The following COQ9 variants were observed in gnomAD, a reference collection of about 807,000 sequenced individuals.
COQ9 encodes coenzyme Q9.
COQ9 carries 35 observed loss-of-function variants against 42.4 expected under a neutral mutation model. That is an observed-to-expected ratio of 0.83 (90% CI 0.63 to 1.10). The LOEUF is 1.10. COQ9 is among the 50% of genes least tolerant of loss of function. The probability of loss-of-function intolerance (pLI) is 0.00; values close to 1 mark genes in which losing one functional copy is unlikely to be tolerated. For missense variants in COQ9, 406 were observed against 414.6 expected (o/e 0.98, Z 0.18); for synonymous variants, 155 against 155.1 (o/e 1.00, Z 0.00).
At chr16:57,453,053 C>T (rs2030325228) in intron 3 of COQ9, 117 bp downstream of exon 3, 1 of 1,359,658 alleles carries the variant, frequency 7.4e-7, no homozygotes, top group Admixed American at 1.7e-5. Context: ...CTCACAGCTG[C>T]AAGATTGACT....
At position 57,447,543 on chromosome 16, in the gene COQ9, C is replaced by G. The variant is rs764426902; in HGVS notation, c.38C>G (p.Ala13Gly). ...GCGGTATCTGGTGCGCTTGGCCGGG[C>G]GGGCTGGAGGCTCCTGCAGCTGCGA... ...AAAVSGALGR[A>G]GWRLLQLRCL... The change falls in exon 1 of 9, where the codon GCG becomes GGG. Residue 13 changes from alanine (A) to glycine (G), a missense_variant. By Grantham distance (60) the Ala-to-Gly change is moderately conservative. Transcript: ENST00000262507. The G allele has an allele frequency of 1.4e-5, 18 of 1,307,118 alleles. No homozygotes were observed. In the Admixed American group the frequency reaches 5.5e-4, roughly 40 times the overall value. The allele number at this position is 1,307,118 out of a possible 1,614,324, so 81.0% of individuals were successfully genotyped here. A position where few individuals can be genotyped will look rare whatever the true frequency, so the allele number is the denominator to read the frequency against.
At chr16:57,450,917 CTTGGATAAG>C (rs1176591058) in intron 1 of COQ9, 114 bp from the exon 2 acceptor site, 8 of 1,095,718 alleles carry the variant, frequency 7.3e-6, no homozygotes, top group Non-Finnish European at 6.8e-6. Context: ...GGACCCAACA[CTTGGATAAG>C]TGGTTCTACA....
intron 1 of COQ9, among the ~76,000 whole-genome samples, chr16:57,450,197 T>C (rs1461475444): frequency 6.6e-6 from 1 of 152,146 alleles, no homozygotes; most frequent in Non-Finnish European, 1.5e-5. Context: ...GGCGATCACT[T>C]GAGGTCAGGA....
rs1319862815 is a variant in COQ9 at position 57,452,859 on chromosome 16, C to T, written c.301C>T (p.His101Tyr). The change falls in exon 3 of 9, where the codon CAC becomes TAC. Residue 101 changes from histidine to tyrosine, a missense_variant. By Grantham distance (83) the His-to-Tyr change is moderately conservative. Transcript: ENST00000262507. ...CTATGAAAGTGAGGAGCAGTTGCAG[C>T]ACCGCATCCTGACGGCAGCCCTTGA... ...EDYESEEQLQ[H>Y]RILTAALEFV... 4 of 1,613,694 alleles carry T rather than the reference C, an allele frequency of 2.5e-6. No homozygotes were observed. The African/African-American group carries it at 4.0e-5, about 16-fold the overall frequency.
chr16:57,450,703 G>A, intron 1 of COQ9: 1 of 378,638 alleles, frequency 2.6e-6, no homozygotes, highest in Non-Finnish European at 5.0e-6. Flanking sequence ...GGGCCACACA[G>A]TGCTCTCATT....
intron 5 of COQ9, chr16:57,457,253 C>G: frequency 1.7e-6 from 1 of 596,000 alleles, no homozygotes. Flanking sequence ...GTACTGGATC[C>G]CATCCTGGGT....
At chr16:57,450,670 C>A (rs999891620) in intron 1 of COQ9, 1 of 326,118 alleles carries the variant, frequency 3.1e-6, no homozygotes, top group Non-Finnish European at 5.9e-6. Flanking sequence ...GTAACATTTG[C>A]AAGCCACTTT....
In COQ9 at chr16:57,459,108, G is replaced by C. The variant is rs558278329; in HGVS notation, c.712-457G>C. ...ACAATCAGAAGTTGCTGAGGGACTT[G>C]AACTCTCAGCTTTGCCCAGGTATTG... On this transcript the variant is annotated intron_variant, in intron 6 of 8. Coordinates refer to ENST00000262507, the MANE Select transcript of COQ9 (RefSeq NM_020312.4). Among the ~76,000 whole-genome samples the C allele has an allele frequency of 2.4e-4, 37 of 152,314 alleles. No individual in the cohort carries two copies. The South Asian group carries it at 7.7e-3, about 32-fold the overall frequency.
chr16:57,450,962 T>G, intron 1 of COQ9, 78 bp from the exon 2 acceptor site: 1 of 1,513,872 alleles, frequency 6.6e-7, no homozygotes, highest in South Asian at 1.2e-5. Context: ...CTTTTCCTCC[T>G]CCTTATCTGT....
intron 1 of COQ9, among the ~76,000 whole-genome samples, chr16:57,448,015 C>T (rs1213384391): frequency 2.0e-5 from 3 of 152,350 alleles, no homozygotes; most frequent in Middle Eastern, 3.4e-3. Context: ...GTGATACTCT[C>T]TTACCACCTT....
chr16:57,457,108 A>G (rs550735782), intron 5 of COQ9, 93 bp downstream of exon 5: 9 of 972,642 alleles, frequency 9.3e-6, no homozygotes, highest in Middle Eastern at 2.1e-4. Context: ...TACACTGTTC[A>G]GAACTTAGCT....
Position 57,459,682 on chromosome 16 carries a change from G to T in COQ9, c.829G>T (p.Val277Phe), listed in dbSNP as rs773083496. The change falls in exon 7 of 9, where the codon GTT becomes TTT. Residue 277 changes from valine to phenylalanine, a missense_variant. Val to Phe is a conservative substitution (Grantham distance 50). Transcript: ENST00000262507. ...CACTTGGCGCTTCCTGGAAAACCGG[G>T]TTAATGATGCAATGAACATGGGCCA... ...EDTWRFLENR[V>F]NDAMNMGHTA... The T allele has an allele frequency of 3.7e-6, 6 of 1,614,204 alleles. No individual in the cohort carries two copies. In the Admixed American group the frequency reaches 8.3e-5, roughly 22 times the overall value.
chr16:57,459,916 C>A, intron 7 of COQ9, 135 bp from the exon 8 acceptor site: 1 of 1,022,646 alleles, frequency 9.8e-7, no homozygotes, highest in Non-Finnish European at 1.5e-6. Flanking sequence ...TTGTGTTGTC[C>A]AAAGCTCTCC....
chr16:57,448,411 G>A (rs1484559786), intron 1 of COQ9, among the ~76,000 whole-genome samples: 2 of 150,034 alleles, frequency 1.3e-5, no homozygotes, highest in South Asian at 2.1e-4. Flanking sequence ...CTACAAGTGC[G>A]TGCCACCCTA....
At chr16:57,455,685 C>T (rs1374574971) in intron 3 of COQ9, among the ~76,000 whole-genome samples, 2 of 151,570 alleles carry the variant, frequency 1.3e-5, no homozygotes, top group Admixed American at 6.6e-5. Flanking sequence ...GCATAGAAGG[C>T]GAGGAAGTGG....
At chr16:57,458,090 T>C in intron 5 of COQ9, 156 bp from the exon 6 acceptor site, 2 of 680,866 alleles carry the variant, frequency 2.9e-6, no homozygotes, top group Non-Finnish European at 5.4e-6. Flanking sequence ...TCAGCATTGC[T>C]AGCTGCCCAC....
rs764318890 is a variant in COQ9, at chr16:57,456,521, T to C, written c.396T>C (p.Ser132=). ...AEGAQSLGLS[S]AAASMFGKDG... ...TTTTGTAGTCTCTGGGTCTCTCCAG[T>C]GCAGCAGCCAGCATGTTCGGGAAGG... The change falls in exon 4 of 9, where the codon AGT becomes AGC. Residue 132 remains serine (S), a synonymous_variant. Coordinates refer to ENST00000262507, the MANE Select transcript of COQ9 (RefSeq NM_020312.4). 6.2e-7 allele frequency: 1 copy of C among 1,614,188 alleles called. No homozygotes were observed. The highest frequency in any genetic ancestry group is 1.1e-5 in the South Asian group (1 of 91,082).
intron 3 of COQ9, 107 bp downstream of exon 3, chr16:57,453,043 C>A: frequency 7.0e-7 from 1 of 1,436,700 alleles, no homozygotes; most frequent in Non-Finnish European, 9.7e-7. Context: ...CTCAGAGCCC[C>A]TCACAGCTGC....
Position 57,452,883 on chromosome 16 carries a change from G to C in COQ9, c.325G>C (p.Glu109Gln). The C allele has an allele frequency of 6.2e-7, 1 of 1,613,874 alleles. No individual in the cohort carries two copies. The change falls in exon 3 of 9, where the codon GAG becomes CAG. Residue 109 changes from glutamate (E) to glutamine (Q), a missense_variant. Coordinates refer to ENST00000262507, the MANE Select transcript of COQ9 (RefSeq NM_020312.4). ...LQHRILTAALEFVPAHGWTAE... is the reference protein window; with the variant it reads ...LQHRILTAALQFVPAHGWTAE... ...GCACCGCATCCTGACGGCAGCCCTT[G>C]AGTTTGTGCCCGCCCACGGGTGGAC...
Sources: gnomAD v4.1 joint callset for allele counts (sites outside exome capture counted in the v4.1 genomes callset) on GRCh38, gnomAD v4.1.1 for gene constraint, MANE v1.5 for transcripts, NCBI Gene and HGNC (gene_info 2026-07-23, HGNC 2026-07-21) for gene names.